Variants in CTH observed in about 807,000 individuals in gnomAD.
CTH encodes the protein cystathionine gamma-lyase, also known as cystathionase (cystathionine gamma-lyase).
A neutral mutation model predicts 50.6 loss-of-function variants in CTH; 41 were observed. The ratio of observed to expected loss-of-function variants is 0.81; its 90% CI spans 0.63 to 1.05. The LOEUF (loss-of-function observed/expected upper bound fraction) is 1.05, where lower values mean the gene tolerates loss of function less well. Among genes scored for constraint, CTH ranks in the 50% least tolerant of loss-of-function variants. The pLI, the probability that CTH is intolerant of heterozygous loss-of-function variation, is 0.00. For synonymous variants in CTH, 156 were observed against 168.9 expected (o/e 0.92, Z 0.59); for missense variants, 470 against 492.6 (o/e 0.95, Z 0.43).
chr1:70,430,272 T>C, intron 6 of CTH, 45 bp from the exon 7 acceptor site: 3 of 1,051,900 alleles, frequency 2.9e-6, no homozygotes, highest in Non-Finnish European at 4.5e-6. Context: ...ACATAAATTG[T>C]TTCTAACTGA....
chr1:70,426,209 T>G (rs1684343095), intron 5 of CTH, among the ~76,000 whole-genome samples: 1 of 152,188 alleles, frequency 6.6e-6, no homozygotes, highest in African/African-American at 2.4e-5. Flanking sequence ...TCTTTATAAT[T>G]AACTTGTTTC....
Position 70,429,803 on chromosome 1 carries a change from G to A in CTH, c.598G>A (p.Ala200Thr). The A allele has an allele frequency of 2.5e-6, 4 of 1,612,296 alleles. No individual in the cohort carries two copies. The highest frequency in any genetic ancestry group is 3.4e-6 in the Non-Finnish European group (4 of 1,178,638). Residue 200 changes from alanine to threonine, a missense_variant, in exon 6 of 12, where the codon GCT (alanine) becomes ACT (threonine). Ala to Thr is a moderately conservative substitution (Grantham distance 58). Coordinates refer to ENST00000370938, the MANE Select transcript of CTH (RefSeq NM_001902.6). Reference sequence around the variant, plus strand: ...AAACTTGTTCTTTCAGCGCCCTTTGGCTCTGGGAGCTGATATTTCTATGTA... The same window carrying A: ...AAACTTGTTCTTTCAGCGCCCTTTGACTCTGGGAGCTGATATTTCTATGTA... The part of the protein sequence containing the change: ...FMSPYFQRPL[A>T]LGADISMYSA...
Position 70,439,204 on chromosome 1 carries a change from G to T in CTH, c.*77G>T. On this transcript the variant is annotated 3_prime_UTR_variant, in exon 12 of 12. Coordinates refer to ENST00000370938, the MANE Select transcript of CTH (RefSeq NM_001902.6). Reference sequence around the variant, plus strand: ...GAGTAATTAAATGGACCAACAATGAGCCTTTGCAAAATTTTCAAGCGGAAA... The same window carrying T: ...GAGTAATTAAATGGACCAACAATGATCCTTTGCAAAATTTTCAAGCGGAAA... 1 of 1,391,092 alleles carries T rather than the reference G, an allele frequency of 7.2e-7. No individual in the cohort carries two copies. Among genetic ancestry groups the T allele is most frequent in the Non-Finnish European group, 1.0e-6 (1 of 979,394 alleles). 86.2% of individuals were successfully genotyped at this position (1,391,092 alleles called of 1,614,324 possible).
intron 8 of CTH, 51 bp downstream of exon 8, chr1:70,432,286 C>T (rs1684494203): frequency 6.3e-7 from 1 of 1,597,224 alleles, no homozygotes; most frequent in African/African-American, 1.3e-5. Context: ...AGCAGTTATC[C>T]TGAGCATCGT....
Position 70,411,347 on chromosome 1 carries a change from C to G in CTH, c.-69C>G. ...CCTGATCCTTCTGTCTCTCCCAACC[C>G]CGGACACCCGGCTTCGACTGGTTAT... On this transcript the variant is annotated 5_prime_UTR_variant, in exon 1 of 12. Coordinates refer to ENST00000370938, the MANE Select transcript of CTH (RefSeq NM_001902.6). 3 of 1,555,946 alleles carry G rather than the reference C, an allele frequency of 1.9e-6. No individual in the cohort carries two copies. Among genetic ancestry groups the G allele is most frequent in the Non-Finnish European group, 2.7e-6 (3 of 1,127,284 alleles).
chr1:70,427,869 C>A (rs1388198497), intron 5 of CTH, among the ~76,000 whole-genome samples: 4 of 151,568 alleles, frequency 2.6e-5, no homozygotes, highest in African/African-American at 7.3e-5. Flanking sequence ...TCCACCACCA[C>A]CCCCCGCTAA....
intron 9 of CTH, among the ~76,000 whole-genome samples, chr1:70,434,631 A>G (rs1684553986): frequency 6.6e-6 from 1 of 152,046 alleles, no homozygotes; most frequent in African/African-American, 2.4e-5. Flanking sequence ...GCAGGGATTT[A>G]AAGGATGTAT....
chr1:70,427,409 C>G (rs898218827), intron 5 of CTH, among the ~76,000 whole-genome samples: 2 of 152,158 alleles, frequency 1.3e-5, no homozygotes, highest in African/African-American at 4.8e-5. Context: ...TACACTGCTT[C>G]CCTGGGTTAT....
At chr1:70,417,846 T>C in intron 2 of CTH, 91 bp from the exon 3 acceptor site, 1 of 1,402,920 alleles carries the variant, frequency 7.1e-7, no homozygotes, top group Non-Finnish European at 1.0e-6. Context: ...GCTTCCTATC[T>C]GCATTAAAGT....
intron 10 of CTH, among the ~76,000 whole-genome samples, chr1:70,438,042 G>C (rs992243340): frequency 6.6e-6 from 1 of 152,068 alleles, no homozygotes; most frequent in Non-Finnish European, 1.5e-5. Context: ...CATTCTTCTT[G>C]GTTTCCCAAT....
At chr1:70,429,407 T>C (rs1049043922) in intron 5 of CTH, among the ~76,000 whole-genome samples, 4 of 152,186 alleles carry the variant, frequency 2.6e-5, no homozygotes, top group African/African-American at 9.6e-5. Flanking sequence ...TACATAAAAA[T>C]TGCTGAATGT....
chr1:70,437,313 C>G (rs1684618862), intron 10 of CTH, among the ~76,000 whole-genome samples: 2 of 152,176 alleles, frequency 1.3e-5, no homozygotes, highest in Non-Finnish European at 2.9e-5. Flanking sequence ...GACATCTCTA[C>G]TACATTCCAA....
chr1:70,415,419 G>C lies in CTH; in HGVS notation c.169-537G>C, dbSNP rs150439037. ...GTCCTATCCTTAAAAAAAAAAACTT[G>C]TATCACTTAATCATTTATTTCTTAG... On this transcript the variant is annotated intron_variant, in intron 1 of 11. Transcript: ENST00000370938. Among the ~76,000 whole-genome samples, 4 of 151,766 alleles carry C rather than the reference G, an allele frequency of 2.6e-5. No homozygotes were observed. The East Asian group carries it at 7.8e-4, about 29-fold the overall frequency.
At chr1:70,423,294 G>A (rs1022096717) in intron 4 of CTH, among the ~76,000 whole-genome samples, 2 of 151,864 alleles carry the variant, frequency 1.3e-5, no homozygotes, top group African/African-American at 4.8e-5. Context: ...AGAATCAGCT[G>A]GGCACAGTGG....
At position 70,421,633 on chromosome 1, in the gene CTH, C is replaced by T. The variant is rs1684223788; in HGVS notation, c.414C>T (p.Ser138=). The change falls in exon 4 of 12, where the codon TCC becomes TCT. Residue 138 remains serine (S), a synonymous_variant. Transcript: ENST00000370938. ...TAAAGATTTCTTTTGTTGATTGTTC[C>T]AAAATCAAATTACTAGAGGCAGCAA... ...FGLKISFVDC[S]KIKLLEAAIT... is the part of the protein sequence containing the mutation. 2 of 1,613,878 alleles carry T rather than the reference C, an allele frequency of 1.2e-6. No individual in the cohort carries two copies. The highest frequency in any genetic ancestry group is 1.3e-5 in the African/African-American group (1 of 75,030).
intron 5 of CTH, among the ~76,000 whole-genome samples, chr1:70,425,776 C>T (rs1684334206): frequency 6.6e-6 from 1 of 152,148 alleles, no homozygotes; most frequent in South Asian, 2.1e-4. Context: ...AGAACTCACT[C>T]ACAATTGTGA....
chr1:70,426,516 G>A (rs1572263139), intron 5 of CTH, among the ~76,000 whole-genome samples: 1 of 152,168 alleles, frequency 6.6e-6, no homozygotes, highest in East Asian at 1.9e-4. Context: ...GACTCCCTGG[G>A]CAGTTGGTAT....
In CTH at chr1:70,438,679, T is replaced by G. The variant is rs771041647; in HGVS notation, c.1053-9T>G. ...TAGTGATCAAAAATTTGCTCATGTCTTCTTTCAGGGCAATCATGACTCATG... is the reference window on the plus strand; with the variant it reads ...TAGTGATCAAAAATTTGCTCATGTCGTCTTTCAGGGCAATCATGACTCATG... On this transcript the variant is annotated splice_polypyrimidine_tract_variant and intron_variant, in intron 10 of 11. Transcript: ENST00000370938. The G allele has an allele frequency of 2.5e-6, 4 of 1,614,124 alleles. 1 individual carries two copies. Among genetic ancestry groups the G allele is most frequent in the Non-Finnish European group, 2.5e-6 (3 of 1,179,994 alleles).
rs746567810 is a variant in CTH at position 70,411,468 on chromosome 1, T to G, written c.53T>G (p.Phe18Cys). Residue 18 changes from phenylalanine (F) to cysteine (C), a missense_variant, in exon 1 of 12, where the codon TTC (phenylalanine) becomes TGC (cysteine). Transcript: ENST00000370938. Reference protein sequence around the residue: ...SQGFLPHFQHFATQAIHVGQD... With the variant: ...SQGFLPHFQHCATQAIHVGQD... ...GGTTTCCTGCCACACTTCCAACATT[T>G]CGCCACGCAGGCGATCCATGTGGGC... 1.2e-6 allele frequency: 2 copies of G among 1,614,146 alleles called. No homozygotes were observed. The highest frequency in any genetic ancestry group is 1.7e-6 in the Non-Finnish European group (2 of 1,180,024).
Sources: allele counts gnomAD v4.1 joint callset (sites outside exome capture counted in the v4.1 genomes callset), GRCh38; gene constraint gnomAD v4.1.1; transcripts MANE v1.5; gene names NCBI Gene and HGNC (gene_info 2026-07-23, HGNC 2026-07-21).